STK31: variants seen among roughly 807,000 people sequenced by gnomAD.
The protein encoded by STK31 is serine/threonine-protein kinase 31.
A neutral mutation model predicts 129.7 loss-of-function variants in STK31; 89 were observed. The ratio of observed to expected loss-of-function variants is 0.69; its 90% confidence interval spans 0.58 to 0.82. The LOEUF (loss-of-function observed/expected upper bound fraction) is 0.82, where lower values mean the gene tolerates loss of function less well. STK31 is among the 40% of genes least tolerant of loss of function. The pLI is 0.00. For missense variants in STK31, 1,187 were observed against 1,176.4 expected (o/e 1.01, Z -0.13); for synonymous variants, 448 against 395.3 (o/e 1.13, Z -1.58).
At chr7:23,768,714 G>A (rs1789984802) in intron 11 of STK31, among the ~76,000 whole-genome samples, 2 of 152,080 alleles carry the variant, frequency 1.3e-5, no homozygotes, top group African/African-American at 4.8e-5. Context: ...CAAAAAGTTA[G>A]GGAAAACAGG....
At chr7:23,768,961 A>C in intron 11 of STK31, 34 bp from the exon 12 acceptor site, 1 of 1,493,662 alleles carries the variant, frequency 6.7e-7, no homozygotes, top group Non-Finnish European at 8.9e-7. Flanking sequence ...ATTAGTTAAT[A>C]AACTTTAATA....
chr7:23,731,588 C>T (rs1355554189), intron 6 of STK31, among the ~76,000 whole-genome samples: 2 of 152,284 alleles, frequency 1.3e-5, no homozygotes, highest in East Asian at 3.9e-4. Context: ...ACAAATACCT[C>T]CTTCCTTCCC....
Position 23,752,761 on chromosome 7 carries a change from C to T in STK31, c.1062C>T (p.Tyr354=), listed in dbSNP as rs775993868. 6.2e-7 allele frequency: 1 copy of T among 1,613,878 alleles called. No homozygotes were observed. Among genetic ancestry groups the T allele is most frequent in the South Asian group, 1.1e-5 (1 of 91,004 alleles). ...TGGATTTGACTAACCACTTAGAATA[C>T]ACTCTGAAGACCTATATAGATACCA... is the stretch of plus-strand genomic sequence containing the variant. ...AAVDLTNHLE[Y]TLKTYIDTRM... The change falls in exon 9 of 24, where the codon TAC becomes TAT. Residue 354 remains tyrosine, a synonymous_variant. Coordinates refer to ENST00000355870, the MANE Select transcript of STK31 (RefSeq NM_031414.5).
In STK31 at chr7:23,832,408, T is replaced by C; in HGVS notation, c.*42T>C. On this transcript the variant is annotated 3_prime_UTR_variant, in exon 24 of 24. Transcript: ENST00000355870. ...TTGCAGAGGTTCTTTTTAAAAACTT[T>C]GGTTTGGTTAATACACAGAAATATC... The C allele has an allele frequency of 6.8e-7, 1 of 1,462,484 alleles. No homozygotes were observed. Among genetic ancestry groups the C allele is most frequent in the Non-Finnish European group, 9.4e-7 (1 of 1,068,336 alleles). The allele number at this position is 1,462,484 out of a possible 1,614,324, so 90.6% of individuals were successfully genotyped here.
chr7:23,826,117 C>G (rs1035889639), intron 23 of STK31, among the ~76,000 whole-genome samples: 1 of 152,066 alleles, frequency 6.6e-6, no homozygotes, highest in Non-Finnish European at 1.5e-5. Context: ...ATTAGGTCCT[C>G]TTGGTGCAGA....
chr7:23,712,075 A>G, intron 1 of STK31, 24 bp from the exon 2 acceptor site: 1 of 1,564,124 alleles, frequency 6.4e-7, no homozygotes, highest in Non-Finnish European at 8.8e-7. Flanking sequence ...GATTATTGTA[A>G]TCTAATTTAA....
chr7:23,711,441 A>C (rs527349445), intron 1 of STK31, among the ~76,000 whole-genome samples: 2 of 142,644 alleles, frequency 1.4e-5, no homozygotes, highest in Non-Finnish European at 3.0e-5. Flanking sequence ...AAAAAAAAAA[A>C]ACCCATAAAA....
At chr7:23,745,691 G>A (rs959430194) in intron 8 of STK31, among the ~76,000 whole-genome samples, 6 of 152,206 alleles carry the variant, frequency 3.9e-5, no homozygotes, top group Non-Finnish European at 8.8e-5. Context: ...GTCATGTGAA[G>A]ATGCATGGCT....
intron 8 of STK31, among the ~76,000 whole-genome samples, chr7:23,745,043 G>A (rs1788268025): frequency 6.6e-6 from 1 of 152,198 alleles, no homozygotes; most frequent in Admixed American, 6.5e-5. Flanking sequence ...TGACAACCCT[G>A]TGCTTTCCAA....
chr7:23,825,355 A>G (rs1185033692), intron 23 of STK31, among the ~76,000 whole-genome samples: 2 of 152,176 alleles, frequency 1.3e-5, no homozygotes, highest in Non-Finnish European at 2.9e-5. Flanking sequence ...GAATTCAACC[A>G]TTTCTTCTAG....
rs1295857079 is a variant in STK31 at position 23,754,419 on chromosome 7, T to G, written c.1238T>G (p.Ile413Arg). Reference sequence around the variant, plus strand: ...CCAGCTTCTTTGAATGGATTAGAGATAATATGGGCAGAATACAGTCTGGCT... The same window carrying G: ...CCAGCTTCTTTGAATGGATTAGAGAGAATATGGGCAGAATACAGTCTGGCT... The part of the protein sequence containing the change: ...TTPASLNGLE[I>R]IWAEYSLAQE... Residue 413 changes from isoleucine to arginine, a missense_variant, in exon 10 of 24, where the codon ATA (isoleucine) becomes AGA (arginine). By Grantham distance (97) the Ile-to-Arg change is moderately conservative (BLOSUM62 -3). Coordinates refer to ENST00000355870, the MANE Select transcript of STK31 (RefSeq NM_031414.5). 1.5e-5 allele frequency: 25 copies of G among 1,613,868 alleles called. No individual in the cohort carries two copies. Among genetic ancestry groups the G allele is most frequent in the Non-Finnish European group, 1.9e-5 (23 of 1,179,934 alleles).
intron 23 of STK31, among the ~76,000 whole-genome samples, chr7:23,824,904 T>A (rs1341613357): frequency 6.6e-6 from 1 of 152,046 alleles, no homozygotes; most frequent in African/African-American, 2.4e-5. Flanking sequence ...TTACGTTTAT[T>A]GATTTTCATA....
intron 15 of STK31, among the ~76,000 whole-genome samples, chr7:23,778,612 CTTGA>C (rs1178497949): frequency 6.6e-6 from 1 of 151,690 alleles, no homozygotes. Context: ...CTTTCTTCTG[CTTGA>C]TTGATTTGGC....
chr7:23,753,001 T>C (rs1297019054), intron 9 of STK31, among the ~76,000 whole-genome samples, 169 bp downstream of exon 9: 1 of 152,224 alleles, frequency 6.6e-6, no homozygotes, highest in Admixed American at 6.5e-5. Context: ...TATACTGTTT[T>C]TGTCAGGTTT....
At chr7:23,819,650 A>G (rs1185160690) in intron 23 of STK31, among the ~76,000 whole-genome samples, 1 of 152,298 alleles carries the variant, frequency 6.6e-6, no homozygotes, top group Non-Finnish European at 1.5e-5. Context: ...CCTGGCCTCA[A>G]TGATCCACTT....
chr7:23,741,838 A>G (rs1005870910), intron 8 of STK31, among the ~76,000 whole-genome samples: 3 of 152,168 alleles, frequency 2.0e-5, no homozygotes, highest in East Asian at 1.9e-4. Flanking sequence ...CCAGGTGTGC[A>G]TAGGAGAGCC....
chr7:23,805,570 A>G (rs1419503847), intron 22 of STK31, among the ~76,000 whole-genome samples: 1 of 151,840 alleles, frequency 6.6e-6, no homozygotes, highest in East Asian at 1.9e-4. Context: ...TGCAGCCTCA[A>G]TCTGTTGGGC....
chr7:23,795,310 T>G lies in STK31; in HGVS notation c.2760+4364T>G, dbSNP rs567893141. Among the ~76,000 whole-genome samples, 8 of 152,304 alleles carry G rather than the reference T, an allele frequency of 5.3e-5. No individual in the cohort carries two copies. The South Asian group carries it at 1.7e-3, about 32-fold the overall frequency. The stretch of plus-strand genomic sequence containing the variant: ...CTTTAGAGGGTGCAAGCCCCAAGCC[T>G]TGTTAGCTTCCATGTGGTTTGAGCC... On this transcript the variant is annotated intron_variant, in intron 22 of 23. Coordinates refer to ENST00000355870, the MANE Select transcript of STK31 (RefSeq NM_031414.5).
chr7:23,829,359 T>G, intron 23 of STK31, among the ~76,000 whole-genome samples: 1 of 152,178 alleles, frequency 6.6e-6, no homozygotes, highest in South Asian at 2.1e-4. Flanking sequence ...ATGAAATACT[T>G]TTTCTGTGTC....
Sources: allele counts gnomAD v4.1 joint callset (sites outside exome capture counted in the v4.1 genomes callset), GRCh38; gene constraint gnomAD v4.1.1; transcripts MANE v1.5; gene names NCBI Gene and HGNC (gene_info 2026-07-23, HGNC 2026-07-21).